CSGALNACT1: variants seen among roughly 807,000 people sequenced by gnomAD.
CSGALNACT1 encodes beta4GalNAcT-1.
In CSGALNACT1, 52 loss-of-function variants were observed where a neutral mutation model predicts 51.0. The observed-to-expected ratio is 1.02, with a 90% CI of 0.82 to 1.29. The LOEUF is 1.29. Among genes scored for constraint, CSGALNACT1 ranks in the 50% most tolerant of loss-of-function variants. CSGALNACT1 has a pLI of 0.00. For missense variants in CSGALNACT1, 935 were observed against 679.2 expected (o/e 1.38, Z -4.19); for synonymous variants, 341 against 254.4 (o/e 1.34, Z -3.24).
At chr8:19,596,022 C>T (rs556565534) in intron 2 of CSGALNACT1, among the ~76,000 whole-genome samples, 3 of 152,038 alleles carry the variant, frequency 2.0e-5, no homozygotes, top group Non-Finnish European at 2.9e-5. Context: ...TGCCACCACA[C>T]CGAGCTAATT....
intron 3 of CSGALNACT1, among the ~76,000 whole-genome samples, chr8:19,558,983 T>A (rs1408261495): frequency 6.6e-6 from 1 of 152,198 alleles, no homozygotes; most frequent in African/African-American, 2.4e-5. Context: ...TTCCAAATAT[T>A]TGATGTTCCT....
At chr8:19,648,866 T>C in intron 1 of CSGALNACT1, among the ~76,000 whole-genome samples, 1 of 152,094 alleles carries the variant, frequency 6.6e-6, no homozygotes, top group East Asian at 1.9e-4. Context: ...AGTGGATAAA[T>C]TATATCCATG....
intron 6 of CSGALNACT1, among the ~76,000 whole-genome samples, chr8:19,422,513 C>T (rs890959001): frequency 6.6e-6 from 1 of 152,230 alleles, no homozygotes; most frequent in East Asian, 1.9e-4. Context: ...ATCCTGCATT[C>T]ACTTCAGCAC....
chr8:19,713,756 A>G (rs1201844944), intron 1 of CSGALNACT1, among the ~76,000 whole-genome samples: 1 of 152,200 alleles, frequency 6.6e-6, no homozygotes, highest in Non-Finnish European at 1.5e-5. Flanking sequence ...GGACACCTTA[A>G]TTCCAGACAT....
chr8:19,606,850 A>G (rs146880261), upstream of CSGALNACT1, among the ~76,000 whole-genome samples: 23 of 152,312 alleles, frequency 1.5e-4, no homozygotes, highest in East Asian at 4.2e-3. Flanking sequence ...TATTTTCCTT[A>G]TACTTTAAAG....
chr8:19,667,954 T>G (rs892012615), intron 1 of CSGALNACT1, among the ~76,000 whole-genome samples: 2 of 152,144 alleles, frequency 1.3e-5, no homozygotes, highest in African/African-American at 2.4e-5. Context: ...AGATCACAAC[T>G]GTGAAAATGA....
chr8:19,575,048 T>A (rs1465983220), intron 3 of CSGALNACT1, among the ~76,000 whole-genome samples: 3 of 151,152 alleles, frequency 2.0e-5, no homozygotes, highest in East Asian at 1.9e-4. Context: ...AAAAAAAAAA[T>A]TCCTCTCTCC....
intron 1 of CSGALNACT1, among the ~76,000 whole-genome samples, chr8:19,645,113 C>T (rs1369780098): frequency 6.6e-6 from 1 of 152,100 alleles, no homozygotes; most frequent in Non-Finnish European, 1.5e-5. Context: ...ACTGTCAGAG[C>T]AAAACATTAT....
chr8:19,508,078 A>T (rs1165698133), intron 3 of CSGALNACT1, among the ~76,000 whole-genome samples: 1 of 152,246 alleles, frequency 6.6e-6, no homozygotes, highest in Non-Finnish European at 1.5e-5. Flanking sequence ...TCAGAAAGCC[A>T]GATTCTGGGC....
At chr8:19,477,648 G>A (rs2070092316) in intron 4 of CSGALNACT1, among the ~76,000 whole-genome samples, 1 of 152,200 alleles carries the variant, frequency 6.6e-6, no homozygotes, top group African/African-American at 2.4e-5. Flanking sequence ...AGGAAGGGCA[G>A]GCTCTAGAGC....
At chr8:19,704,737 T>C (rs951737344) in intron 1 of CSGALNACT1, among the ~76,000 whole-genome samples, 2 of 152,138 alleles carry the variant, frequency 1.3e-5, no homozygotes, top group Admixed American at 6.6e-5. Context: ...ATGTGATATA[T>C]ACATAAAACA....
At chr8:19,670,085 C>T (rs1431258055) in intron 1 of CSGALNACT1, among the ~76,000 whole-genome samples, 1 of 152,200 alleles carries the variant, frequency 6.6e-6, no homozygotes, top group Non-Finnish European at 1.5e-5. Flanking sequence ...ATGTCCCCTA[C>T]TCCCTGCACA....
intron 3 of CSGALNACT1, among the ~76,000 whole-genome samples, chr8:19,581,422 T>C (rs2045542916): frequency 6.6e-6 from 1 of 152,214 alleles, no homozygotes; most frequent in African/African-American, 2.4e-5. Flanking sequence ...CAAATTAAAA[T>C]GTTATATTTG....
chr8:19,682,128 G>A (rs915926973), intron 1 of CSGALNACT1, among the ~76,000 whole-genome samples: 24 of 152,254 alleles, frequency 1.6e-4, no homozygotes, highest in East Asian at 7.7e-4. Context: ...TGTGAAGGTC[G>A]TGTTTATTTA....
chr8:19,503,612 G>T (rs1448243474), intron 4 of CSGALNACT1, among the ~76,000 whole-genome samples: 1 of 152,022 alleles, frequency 6.6e-6, no homozygotes, highest in East Asian at 1.9e-4. Flanking sequence ...CTGAGGGTCG[G>T]CTAGTAAACT....
chr8:19,419,192 T>C (rs1200509976), intron 7 of CSGALNACT1, among the ~76,000 whole-genome samples: 2 of 152,160 alleles, frequency 1.3e-5, no homozygotes, highest in Non-Finnish European at 2.9e-5. Context: ...AAATGGGTCT[T>C]AGAAGTGCAG....
chr8:19,497,326 C>A (rs1239787646), intron 4 of CSGALNACT1, among the ~76,000 whole-genome samples: 1 of 152,138 alleles, frequency 6.6e-6, no homozygotes, highest in African/African-American at 2.4e-5. Flanking sequence ...CAGGGCTGAA[C>A]AGACAATACT....
At chr8:19,748,971 A>G (rs1173960782) in intron 1 of CSGALNACT1, among the ~76,000 whole-genome samples, 1 of 151,970 alleles carries the variant, frequency 6.6e-6, no homozygotes, top group Admixed American at 6.6e-5. Flanking sequence ...TCTCAAAAAA[A>G]AAAAAACATT....
intron 5 of CSGALNACT1, among the ~76,000 whole-genome samples, chr8:19,445,111 T>A (rs1027630340): frequency 9.8e-5 from 15 of 152,310 alleles, no homozygotes; most frequent in African/African-American, 3.6e-4. Flanking sequence ...TGTAACGATA[T>A]GTTTTGAAAC....
Sources: gnomAD v4.1 joint callset for allele counts (sites outside exome capture counted in the v4.1 genomes callset) on GRCh38, gnomAD v4.1.1 for gene constraint, MANE v1.5 for transcripts, NCBI Gene and HGNC (gene_info 2026-07-23, HGNC 2026-07-21) for gene names.